The following KCNH8 variants were observed in gnomAD, a reference collection of about 807,000 sequenced individuals.
KCNH8 encodes the protein potassium voltage-gated channel subfamily H member 8, also known as voltage-gated delayed rectifier potassium channel KCNH8.
A neutral mutation model predicts 103.6 loss-of-function variants in KCNH8; 70 were observed. That is an observed-to-expected ratio of 0.68 (90% confidence interval 0.56 to 0.82). The LOEUF (loss-of-function observed/expected upper bound fraction) is 0.82. Among genes scored for constraint, KCNH8 ranks in the 40% least tolerant of loss-of-function variants. The pLI is 0.00. For missense variants in KCNH8, 1,217 were observed against 1,329.9 expected, an observed-to-expected ratio of 0.92 and a Z score of 1.32; for synonymous variants, 498 against 489.4, an observed-to-expected ratio of 1.02 and a Z score of -0.23.
chr3:19,267,433 T>C (rs866998482), intron 2 of KCNH8, among the ~76,000 whole-genome samples: 7 of 152,138 alleles, frequency 4.6e-5, no homozygotes, highest in African/African-American at 1.4e-4. Context: ...TTAGCAACTT[T>C]GCAGGATGTT....
rs574992484 is a variant in KCNH8, at chr3:19,265,342, C to G, written c.310+11455C>G. Among the ~76,000 whole-genome samples the G allele has an allele frequency of 1.3e-3, 199 of 152,200 alleles. 1 individual carries two copies. Among genetic ancestry groups the G allele is most frequent in the African/African-American group, 4.5e-3 (186 of 41,548 alleles). On this transcript the variant is annotated intron_variant, in intron 2 of 15. Coordinates refer to ENST00000328405, the MANE Select transcript of KCNH8 (RefSeq NM_144633.3). ...TGCAGATGCCTTTGTTAAAAAGTTG[C>G]TAAAAATTTCAAGACAGCACCAGCA...
intron 7 of KCNH8, among the ~76,000 whole-genome samples, chr3:19,414,196 T>G (rs1262484560): frequency 6.6e-6 from 1 of 152,044 alleles, no homozygotes; most frequent in Non-Finnish European, 1.5e-5. Context: ...GTTGTTCGAT[T>G]CAAAAGTAAA....
At chr3:19,484,729 G>T (rs979600026) in intron 11 of KCNH8, among the ~76,000 whole-genome samples, 1 of 152,134 alleles carries the variant, frequency 6.6e-6, no homozygotes, top group Non-Finnish European at 1.5e-5. Flanking sequence ...ATCCACACGC[G>T]ATCACCTGGA....
intron 11 of KCNH8, among the ~76,000 whole-genome samples, chr3:19,507,299 G>T (rs1380798523): frequency 6.6e-6 from 1 of 152,140 alleles, no homozygotes; most frequent in Non-Finnish European, 1.5e-5. Flanking sequence ...GCTGTTGATT[G>T]CCTCTGGGAG....
chr3:19,382,490 T>C (rs2066301153), intron 5 of KCNH8, among the ~76,000 whole-genome samples: 1 of 152,206 alleles, frequency 6.6e-6, no homozygotes, highest in South Asian at 2.1e-4. Flanking sequence ...AAAAATTTAA[T>C]ACGTTAACTG....
intron 3 of KCNH8, among the ~76,000 whole-genome samples, chr3:19,316,149 C>T (rs1038653795): frequency 2.0e-5 from 3 of 151,760 alleles, no homozygotes; most frequent in South Asian, 2.1e-4. Flanking sequence ...TTTTTAAGTT[C>T]GTGTAAAATT....
chr3:19,261,546 C>T (rs1292333992), intron 2 of KCNH8, among the ~76,000 whole-genome samples: 2 of 151,652 alleles, frequency 1.3e-5, no homozygotes, highest in African/African-American at 2.4e-5. Flanking sequence ...TTGTAGGTTA[C>T]CTTTTCATTT....
intron 1 of KCNH8, among the ~76,000 whole-genome samples, chr3:19,206,408 T>A (rs180694495): frequency 2.0e-5 from 3 of 151,842 alleles, no homozygotes; most frequent in African/African-American, 7.2e-5. Flanking sequence ...GGGAAAGGCA[T>A]TCTGGGCAGT....
intron 1 of KCNH8, among the ~76,000 whole-genome samples, chr3:19,213,379 GA>G (rs1293979222): frequency 6.6e-6 from 1 of 152,076 alleles, no homozygotes; most frequent in Non-Finnish European, 1.5e-5. Context: ...TGAGGACTTT[GA>G]AATTTGTATC....
intron 1 of KCNH8, among the ~76,000 whole-genome samples, chr3:19,244,357 G>C (rs918532832): frequency 1.3e-5 from 2 of 152,170 alleles, no homozygotes; most frequent in Non-Finnish European, 2.9e-5. Flanking sequence ...TGGGCCCCTA[G>C]GTTGATTCCA....
intron 1 of KCNH8, among the ~76,000 whole-genome samples, chr3:19,252,601 G>T (rs953945729): frequency 1.3e-5 from 2 of 151,918 alleles, no homozygotes; most frequent in African/African-American, 2.4e-5. Flanking sequence ...TATTGGCCAG[G>T]CTGGTTTTGA....
rs1007057689 is a variant in KCNH8, at chr3:19,533,788, C to T, written c.3013C>T (p.His1005Tyr). The T allele has an allele frequency of 9.9e-6, 16 of 1,614,074 alleles. No homozygotes were observed. Among genetic ancestry groups the T allele is most frequent in the African/African-American group, 4.0e-5 (3 of 74,942 alleles). Residue 1005 changes from histidine (H) to tyrosine (Y), a missense_variant, in exon 16 of 16, where the codon CAT (histidine) becomes TAT (tyrosine). His to Tyr is a moderately conservative substitution (Grantham distance 83). Coordinates refer to ENST00000328405, the MANE Select transcript of KCNH8 (RefSeq NM_144633.3). ...PSHYQVVQEGHLQFLRCISPH... is the reference protein window; with the variant it reads ...PSHYQVVQEGYLQFLRCISPH... ...CCACTACCAGGTTGTCCAAGAAGGTCATTTGCAATTTTTAAGGTGCATCTC... is the reference window on the plus strand; with the variant it reads ...CCACTACCAGGTTGTCCAAGAAGGTTATTTGCAATTTTTAAGGTGCATCTC...
chr3:19,419,207 T>TTTTTTG (rs2066911279), intron 7 of KCNH8, among the ~76,000 whole-genome samples: 2 of 141,886 alleles, frequency 1.4e-5, no homozygotes, highest in African/African-American at 5.2e-5. Context: ...TTTTTTTTTT[T>TTTTTTG]TTTTTTTTTT....
intron 2 of KCNH8, among the ~76,000 whole-genome samples, chr3:19,265,536 G>T (rs1033139910): frequency 6.6e-6 from 1 of 151,944 alleles, no homozygotes; most frequent in African/African-American, 2.4e-5. Context: ...TTCCCAGAGT[G>T]TTGGATCCTC....
At chr3:19,231,250 A>G (rs1575453766) in intron 1 of KCNH8, among the ~76,000 whole-genome samples, 1 of 152,228 alleles carries the variant, frequency 6.6e-6, no homozygotes, top group African/African-American at 2.4e-5. Flanking sequence ...AAAATGTACT[A>G]TGTTTTCCTT....
chr3:19,193,917 G>A (rs771137997), intron 1 of KCNH8, among the ~76,000 whole-genome samples: 3 of 151,702 alleles, frequency 2.0e-5, no homozygotes, highest in Non-Finnish European at 4.4e-5. Flanking sequence ...AAACCGTAAA[G>A]TACTTCATAA....
intron 1 of KCNH8, among the ~76,000 whole-genome samples, chr3:19,233,635 A>G (rs2064022989): frequency 6.6e-6 from 1 of 152,164 alleles, no homozygotes; most frequent in South Asian, 2.1e-4. Flanking sequence ...AGCCTGGGCC[A>G]CTGTCTGTGT....
In KCNH8 at chr3:19,373,587, G is replaced by GT. The variant is rs530422069; in HGVS notation, c.812-16888dup. On this transcript the variant is annotated intron_variant, in intron 5 of 15. Transcript: ENST00000328405. ...CCTGGATTCATTAATTTTTTGAAGG[G>GT]TTTTTTGTGTCTCTATTTCCTTCAG... Among the ~76,000 whole-genome samples the GT allele has an allele frequency of 8.1e-3, 1,237 of 152,080 alleles. 15 individuals are homozygous for GT. Among genetic ancestry groups the GT allele is most frequent in the African/African-American group, 0.028 (1,170 of 41,480 alleles).
intron 11 of KCNH8, among the ~76,000 whole-genome samples, chr3:19,466,122 C>T (rs984055500): frequency 1.4e-4 from 22 of 151,946 alleles, no homozygotes; most frequent in Middle Eastern, 3.4e-3. Context: ...GATGAGGTCT[C>T]GCTATATTGC....
Sources: allele counts gnomAD v4.1 joint callset (sites outside exome capture counted in the v4.1 genomes callset), GRCh38; gene constraint gnomAD v4.1.1; transcripts MANE v1.5; gene names NCBI Gene and HGNC (gene_info 2026-07-23, HGNC 2026-07-21).